Variants in UBXN10 observed in about 807,000 individuals in gnomAD.
UBXN10 encodes UBX domain-containing protein 10.
Under a neutral mutation model 6.9 loss-of-function variants are expected in UBXN10, and 6 were observed. That is an observed-to-expected ratio of 0.87 (90% CI 0.48 to 1.72). The LOEUF (loss-of-function observed/expected upper bound fraction) is 1.72, where lower values mean the gene tolerates loss of function less well. Ranked by LOEUF, UBXN10 falls within the 40% of genes most tolerant of loss-of-function variation. The pLI is 0.01. For synonymous variants in UBXN10, 131 were observed against 135.2 expected (o/e 0.97, Z 0.21); for missense variants, 317 against 348.4 (o/e 0.91, Z 0.72).
chr1:20,188,649 G>A (rs1223245936), intron 1 of UBXN10, among the ~76,000 whole-genome samples: 3 of 152,116 alleles, frequency 2.0e-5, no homozygotes, highest in Non-Finnish European at 2.9e-5. Flanking sequence ...TAGAAGAGAA[G>A]TGATCAACTC....
chr1:20,189,620 C>T (rs1178002470), intron 1 of UBXN10, among the ~76,000 whole-genome samples: 2 of 151,930 alleles, frequency 1.3e-5, no homozygotes, highest in Non-Finnish European at 1.5e-5. Flanking sequence ...CTGAACAGCT[C>T]GGGAGGCTGA....
intron 1 of UBXN10, among the ~76,000 whole-genome samples, chr1:20,186,881 G>A (rs1409305972): frequency 2.7e-5 from 4 of 148,618 alleles, no homozygotes; most frequent in Admixed American, 2.0e-4. Context: ...TATCCTGAAA[G>A]CCTGGTGGGG....
In UBXN10 at chr1:20,190,590, C is replaced by T. The variant is rs1483567733; in HGVS notation, c.29C>T (p.Ala10Val). The T allele has an allele frequency of 1.1e-5, 18 of 1,613,902 alleles. No individual in the cohort carries two copies. The highest frequency in any genetic ancestry group is 4.4e-5 in the South Asian group (4 of 91,062). Residue 10 changes from alanine to valine, a missense_variant, in exon 2 of 2, where the codon GCA becomes GTA. By Grantham distance (64) the Ala-to-Val change is moderately conservative (BLOSUM62 0). Transcript: ENST00000375099. MATEAPVNI[A>V]PPECSTVVST... ...GCCACAGAAGCCCCTGTGAATATAG[C>T]ACCACCTGAGTGTAGCACTGTTGTC...
rs2018411145 is a variant in UBXN10 at position 20,187,022 on chromosome 1, ACTG to A, written c.-16+870_-16+872del. Among the ~76,000 whole-genome samples the A allele has an allele frequency of 1.3e-5, 2 of 152,206 alleles. No individual in the cohort carries two copies. Among genetic ancestry groups the A allele is most frequent in the Non-Finnish European group, 2.9e-5 (2 of 68,040 alleles). On this transcript the variant is annotated intron_variant, in intron 1 of 1. Transcript: ENST00000375099. This position sits in a 1 kb window ranked among gnomAD's most constrained non-coding sequence, Gnocchi z 4.6. ...TAGGTGGTTATATTTTACTGCATATACTGTAGGCTTAGATTTGGGTTGTGAGTG... is the reference window on the plus strand; with the variant it reads ...TAGGTGGTTATATTTTACTGCATATATAGGCTTAGATTTGGGTTGTGAGTG...
At chr1:20,188,123 G>T (rs2018431265) in intron 1 of UBXN10, among the ~76,000 whole-genome samples, 1 of 152,206 alleles carries the variant, frequency 6.6e-6, no homozygotes, top group East Asian at 1.9e-4. Context: ...GCTGCTAATT[G>T]CCAGAGAAAG....
At position 20,192,301 on chromosome 1, in the gene UBXN10, C is replaced by A. The variant is rs1254611328; in HGVS notation, c.*897C>A. 6.0e-6 allele frequency: 1 copy of A among 166,964 alleles called. No individual in the cohort carries two copies. The highest frequency in any genetic ancestry group is 6.5e-5 in the Admixed American group (1 of 15,276). The allele number at this position is 166,964 out of a possible 1,614,324, so 10.3% of individuals were successfully genotyped here. The stretch of plus-strand genomic sequence containing the variant: ...TGGGGGTGGAGCAATTGTTTTATTC[C>A]CCAGTTTCAGTGCGTTGCCCACTTC... On this transcript the variant is annotated 3_prime_UTR_variant, in exon 2 of 2. Coordinates refer to ENST00000375099, the MANE Select transcript of UBXN10 (RefSeq NM_152376.5).
Position 20,191,162 on chromosome 1 carries a change from C to T in UBXN10, c.601C>T (p.Leu201Phe), listed in dbSNP as rs766517673. 3.7e-6 allele frequency: 6 copies of T among 1,614,226 alleles called. No individual in the cohort carries two copies. Among genetic ancestry groups the T allele is most frequent in the Non-Finnish European group, 5.1e-6 (6 of 1,180,050 alleles). Residue 201 changes from leucine to phenylalanine, a missense_variant, in exon 2 of 2, where the codon CTT becomes TTT. By Grantham distance (22) the Leu-to-Phe change is conservative. Transcript: ENST00000375099. The surrounding 1 kb of genome is among the most constrained non-coding windows in gnomAD (Gnocchi z 4.5). ...EPSDQEPRLL[L>F]AVRSPTGQRF... ...ATCGGACCAAGAACCAAGGTTGCTG[C>T]TTGCTGTTAGATCACCAACAGGCCA...
At position 20,191,578 on chromosome 1, in the gene UBXN10, G is replaced by A. The variant is rs2018503607; in HGVS notation, c.*174G>A. 5 of 1,004,210 alleles carry A rather than the reference G, an allele frequency of 5.0e-6. No homozygotes were observed. The highest frequency in any genetic ancestry group is 3.0e-5 in the Admixed American group (1 of 33,470). 62.2% of individuals were successfully genotyped at this position (1,004,210 alleles called of 1,614,324 possible). On this transcript the variant is annotated 3_prime_UTR_variant, in exon 2 of 2. Coordinates refer to ENST00000375099, the MANE Select transcript of UBXN10 (RefSeq NM_152376.5). This position sits in a 1 kb window ranked among gnomAD's most constrained non-coding sequence, Gnocchi z 4.5. ...AAGCAGTGAAGTCTGTGCCTATGCC[G>A]AGCGCGCTAAGAAGTCTCCCTTCCA...
In UBXN10 at chr1:20,195,718, A is replaced by G. The variant is rs1468663116; in HGVS notation, c.*4314A>G. 1.2e-5 allele frequency: 2 copies of G among 167,070 alleles called. No homozygotes were observed. The highest frequency in any genetic ancestry group is 2.4e-5 in the African/African-American group (1 of 41,426). 10.3% of individuals were successfully genotyped at this position (167,070 alleles called of 1,614,324 possible). A position where few individuals can be genotyped will look rare whatever the true frequency, so the allele number is the denominator to read the frequency against. On this transcript the variant is annotated 3_prime_UTR_variant, in exon 2 of 2. Transcript: ENST00000375099. Reference sequence around the variant, plus strand: ...AGGAAATGCACGAGTGTTTTTGGACAAAGTGTACAGAGAAAATCAAAGCTA... The same window carrying G: ...AGGAAATGCACGAGTGTTTTTGGACGAAGTGTACAGAGAAAATCAAAGCTA...
chr1:20,191,401 C>T lies in UBXN10; in HGVS notation c.840C>T (p.Pro280=). 4 of 1,607,472 alleles carry T rather than the reference C, an allele frequency of 2.5e-6. No individual in the cohort carries two copies. Among genetic ancestry groups the T allele is most frequent in the Non-Finnish European group, 3.4e-6 (4 of 1,174,960 alleles). ...CACTGGAAGATGGGGAAGGGTGGCC[C>T]TGAGTCCACAGCCACCCAGCTGAGG... The part of the protein sequence containing the change: ...GISLEDGEGW[P] Residue 280 remains proline (P), a synonymous_variant, in exon 2 of 2, where the codon CCC becomes CCT. Transcript: ENST00000375099. This position sits in a 1 kb window ranked among gnomAD's most constrained non-coding sequence, Gnocchi z 4.5.
chr1:20,192,269 G>A lies in UBXN10; in HGVS notation c.*865G>A, dbSNP rs1277315374. 1.2e-5 allele frequency: 2 copies of A among 167,012 alleles called. No individual in the cohort carries two copies. Among genetic ancestry groups the A allele is most frequent in the Non-Finnish European group, 2.9e-5 (2 of 68,128 alleles). The allele number at this position is 167,012 out of a possible 1,614,324, so 10.3% of individuals were successfully genotyped here. On this transcript the variant is annotated 3_prime_UTR_variant, in exon 2 of 2. Transcript: ENST00000375099. ...CAGGTTTGTACTGACAACCTCCTTGGCTTATTTGGGGGTGGAGCAATTGTT... is the reference window on the plus strand; with the variant it reads ...CAGGTTTGTACTGACAACCTCCTTGACTTATTTGGGGGTGGAGCAATTGTT...
At position 20,193,090 on chromosome 1, in the gene UBXN10, A is replaced by G. The variant is rs1055995631; in HGVS notation, c.*1686A>G. On this transcript the variant is annotated 3_prime_UTR_variant, in exon 2 of 2. Transcript: ENST00000375099. ...GCCACCTCTTCCCGTTAATGACCAC[A>G]GCAGACAGAATTTGAGCCCAGCACC... is the stretch of plus-strand genomic sequence containing the variant. The G allele has an allele frequency of 6.0e-6, 1 of 167,146 alleles. No individual in the cohort carries two copies. The highest frequency in any genetic ancestry group is 2.4e-5 in the African/African-American group (1 of 41,450). 10.4% of individuals were successfully genotyped at this position (167,146 alleles called of 1,614,324 possible). A position where few individuals can be genotyped will look rare whatever the true frequency, so the allele number is the denominator to read the frequency against.
In UBXN10 at chr1:20,190,724, G is replaced by C; in HGVS notation, c.163G>C (p.Gly55Arg). 1.2e-6 allele frequency: 2 copies of C among 1,614,070 alleles called. No homozygotes were observed. The highest frequency in any genetic ancestry group is 2.2e-5 in the South Asian group (2 of 91,084). Residue 55 changes from glycine (G) to arginine (R), a missense_variant, in exon 2 of 2, where the codon GGC becomes CGC. By Grantham distance (125) the Gly-to-Arg change is moderately radical. Transcript: ENST00000375099. ...RTRPSLQKSQGVEVCAHHIPS... is the reference protein window; with the variant it reads ...RTRPSLQKSQRVEVCAHHIPS... Reference sequence around the variant, plus strand: ...AAGACCGAGTCTGCAGAAATCCCAGGGCGTGGAGGTGTGCGCTCATCATAT... The same window carrying C: ...AAGACCGAGTCTGCAGAAATCCCAGCGCGTGGAGGTGTGCGCTCATCATAT...
chr1:20,188,150 A>G (rs1346116381), intron 1 of UBXN10, among the ~76,000 whole-genome samples: 4 of 152,254 alleles, frequency 2.6e-5, no homozygotes, highest in Non-Finnish European at 4.4e-5. Context: ...GAAGGAGACT[A>G]AAGGGGGAAA....
intron 1 of UBXN10, among the ~76,000 whole-genome samples, chr1:20,190,015 G>A (rs942168599): frequency 2.0e-5 from 3 of 152,186 alleles, no homozygotes; most frequent in African/African-American, 7.2e-5. Flanking sequence ...AATCCGGCCC[G>A]TCACCTATTT....
In UBXN10 at chr1:20,190,841, G is replaced by A. The variant is rs756181143; in HGVS notation, c.280G>A (p.Asp94Asn). The change falls in exon 2 of 2, where the codon GAT (aspartate) becomes AAT (asparagine). Residue 94 changes from aspartate (D) to asparagine (N), a missense_variant. Coordinates refer to ENST00000375099, the MANE Select transcript of UBXN10 (RefSeq NM_152376.5). ...APKSPNQGAS[D>N]EIPELQQQVP... is the part of the protein sequence containing the mutation. The stretch of plus-strand genomic sequence containing the variant: ...CAAATCTCCAAACCAGGGAGCTTCT[G>A]ATGAGATCCCTGAGCTGCAGCAGCA... 16 of 1,613,860 alleles carry A rather than the reference G, an allele frequency of 9.9e-6. No individual in the cohort carries two copies. The highest frequency in any genetic ancestry group is 1.3e-5 in the Non-Finnish European group (15 of 1,180,040).
rs2018485587 is a variant in UBXN10, at chr1:20,190,913, C to T, written c.352C>T (p.Pro118Ser). ...TTCTCTCAATAAGTATCCAGTCCTT[C>T]CTTCCATCAACAGAAAGAACCTGGA... Reference protein sequence around the residue: ...SSSLNKYPVLPSINRKNLEEE... With the variant: ...SSSLNKYPVLSSINRKNLEEE... The change falls in exon 2 of 2, where the codon CCT becomes TCT. Residue 118 changes from proline (P) to serine (S), a missense_variant. Transcript: ENST00000375099. The T allele has an allele frequency of 6.2e-7, 1 of 1,614,176 alleles. No homozygotes were observed. The highest frequency in any genetic ancestry group is 1.3e-5 in the African/African-American group (1 of 75,050).
rs2018527188 is a variant in UBXN10, at chr1:20,192,585, T to C, written c.*1181T>C. 6.0e-6 allele frequency: 1 copy of C among 167,152 alleles called. No homozygotes were observed. The highest frequency in any genetic ancestry group is 2.1e-4 in the South Asian group (1 of 4,830). 10.4% of individuals were successfully genotyped at this position (167,152 alleles called of 1,614,324 possible). A position where few individuals can be genotyped will look rare whatever the true frequency, so the allele number is the denominator to read the frequency against. On this transcript the variant is annotated 3_prime_UTR_variant, in exon 2 of 2. Coordinates refer to ENST00000375099, the MANE Select transcript of UBXN10 (RefSeq NM_152376.5). ...TGCCAATGTTCTCTTCTATTGCAAGTTCAGCCAGACTCCATGACTCATCTG... is the reference window on the plus strand; with the variant it reads ...TGCCAATGTTCTCTTCTATTGCAAGCTCAGCCAGACTCCATGACTCATCTG...
At position 20,187,735 on chromosome 1, in the gene UBXN10, T is replaced by C. The variant is rs545892069; in HGVS notation, c.-16+1582T>C. ...GTCATGTTATCTTATGACCAGGGTG[T>C]CTTGAATATGACACCCCCTGAACAT... On this transcript the variant is annotated intron_variant, in intron 1 of 1. Coordinates refer to ENST00000375099, the MANE Select transcript of UBXN10 (RefSeq NM_152376.5). This position sits in a 1 kb window ranked among gnomAD's most constrained non-coding sequence, Gnocchi z 4.6. Among the ~76,000 whole-genome samples, 16 of 152,282 alleles carry C rather than the reference T, an allele frequency of 1.1e-4. No homozygotes were observed. In the South Asian group the frequency reaches 3.3e-3, roughly 32 times the overall value.
Sources: gnomAD v4.1 joint callset for allele counts (sites outside exome capture counted in the v4.1 genomes callset) on GRCh38, gnomAD v4.1.1 for gene constraint, Gnocchi (gnomAD v3.1) non-coding constraint, MANE v1.5 for transcripts, NCBI Gene and HGNC (gene_info 2026-07-23, HGNC 2026-07-21) for gene names.